Variants in PPP2R2B observed in about 807,000 individuals in gnomAD.
PPP2R2B encodes the protein serine/threonine-protein phosphatase 2A 55 kDa regulatory subunit B beta isoform.
In PPP2R2B, 5 loss-of-function variants were observed where a neutral mutation model predicts 46.0. That is an observed-to-expected ratio of 0.11 (90% CI 0.06 to 0.23). The LOEUF is 0.23. Among genes scored for constraint, PPP2R2B ranks in the 10% least tolerant of loss-of-function variants. The pLI is 1.00. For synonymous variants in PPP2R2B, 215 were observed against 206.7 expected (o/e 1.04, Z -0.34); for missense variants, 367 against 575.0 (o/e 0.64, Z 3.70).
intron 2 of PPP2R2B, among the ~76,000 whole-genome samples, chr5:146,801,660 T>C (rs879885897): frequency 3.3e-5 from 5 of 152,128 alleles, no homozygotes; most frequent in Non-Finnish European, 7.4e-5. Context: ...GCACTTATGT[T>C]AAAAGACTGA....
intron 2 of PPP2R2B, among the ~76,000 whole-genome samples, chr5:146,843,481 T>C (rs1759793848): frequency 1.3e-5 from 2 of 152,232 alleles, no homozygotes; most frequent in African/African-American, 4.8e-5. Context: ...TAGATCTTAT[T>C]TTATACATTG....
At chr5:147,042,474 A>G (rs956350831) in intron 1 of PPP2R2B, among the ~76,000 whole-genome samples, 2 of 152,146 alleles carry the variant, frequency 1.3e-5, no homozygotes, top group African/African-American at 4.8e-5. Flanking sequence ...TCTTCATTTT[A>G]AGCCAAATAC....
At chr5:147,064,717 C>T (rs1412882023) in intron 2 of PPP2R2B, among the ~76,000 whole-genome samples, 4 of 152,156 alleles carry the variant, frequency 2.6e-5, no homozygotes, top group African/African-American at 9.7e-5. Flanking sequence ...GTTTTGAAAA[C>T]TTAACTATAT....
intron 1 of PPP2R2B, among the ~76,000 whole-genome samples, chr5:147,042,371 G>A (rs955624113): frequency 1.3e-5 from 2 of 152,122 alleles, no homozygotes; most frequent in African/African-American, 2.4e-5. Flanking sequence ...TCTATAACTC[G>A]CTCAGGTACA....
intron 4 of PPP2R2B, among the ~76,000 whole-genome samples, chr5:146,693,960 C>T (rs992563568): frequency 5.3e-5 from 8 of 152,188 alleles, no homozygotes; most frequent in Non-Finnish European, 1.2e-4. Flanking sequence ...TCCTCTTTTG[C>T]CCCTTGCTCC....
intron 2 of PPP2R2B, among the ~76,000 whole-genome samples, chr5:146,720,858 T>C (rs1780755871): frequency 6.6e-6 from 1 of 152,224 alleles, no homozygotes; most frequent in Admixed American, 6.5e-5. Flanking sequence ...TTTATCTGAC[T>C]ATAGAATGCT....
chr5:146,744,113 A>T (rs139971139), intron 2 of PPP2R2B, among the ~76,000 whole-genome samples: 22 of 152,378 alleles, frequency 1.4e-4, no homozygotes, highest in African/African-American at 5.1e-4. Context: ...TTTAAAGTAC[A>T]TAGATGCTTG....
intron 7 of PPP2R2B, among the ~76,000 whole-genome samples, chr5:146,625,316 C>T (rs1773975514): frequency 6.6e-6 from 1 of 151,764 alleles, no homozygotes; most frequent in South Asian, 2.1e-4. Context: ...TTTTATTATA[C>T]TGTGTGTGTG....
chr5:146,877,961 C>G, intron 2 of PPP2R2B, 41 bp downstream of exon 2: 4 of 1,594,246 alleles, frequency 2.5e-6, no homozygotes, highest in South Asian at 2.3e-5. Flanking sequence ...CCGCAACTTG[C>G]GCCCGGCCCC....
intron 4 of PPP2R2B, among the ~76,000 whole-genome samples, chr5:146,697,531 A>G (rs1779248677): frequency 6.6e-6 from 1 of 152,212 alleles, no homozygotes; most frequent in South Asian, 2.1e-4. Context: ...CTATCATAGA[A>G]GTTAATTTTT....
rs1230780878 is a variant in PPP2R2B at position 146,582,626 on chromosome 5, C to T, written c.*7321G>A. On this transcript the variant is annotated 3_prime_UTR_variant, in exon 10 of 10. Transcript: ENST00000394411. ...AATGGCATGCCGCTCATCTTATAAG[C>T]TTCCTGTGGGCAAGTGCTGTGCCTG... 6.6e-6 allele frequency: 1 copy of T among 152,246 alleles called. No homozygotes were observed. The highest frequency in any genetic ancestry group is 6.5e-5 in the Admixed American group (1 of 15,280). 9.4% of individuals were successfully genotyped at this position (152,246 alleles called of 1,614,324 possible).
At position 146,975,592 on chromosome 5, in the gene PPP2R2B, A is replaced by G. The variant is rs144145187; in HGVS notation, c.79+80073T>C. ...TTGAGAAACTGTCATGCTGTTTTCC[A>G]TAGTGGTTTCACCACTACAGTGCAG... On this transcript the variant is annotated intron_variant, in intron 1 of 8. Coordinates refer to the PPP2R2B transcript ENST00000336640. Among the ~76,000 whole-genome samples the G allele has an allele frequency of 7.4e-3, 1,124 of 152,356 alleles. 12 individuals carry two copies. Among genetic ancestry groups the G allele is most frequent in the African/African-American group, 0.026 (1,075 of 41,590 alleles).
intron 1 of PPP2R2B, among the ~76,000 whole-genome samples, chr5:147,054,920 T>C (rs1014629845): frequency 1.3e-5 from 2 of 152,220 alleles, no homozygotes; most frequent in African/African-American, 4.8e-5. Context: ...AGCTTCTGAC[T>C]ATAGAAATGT....
At chr5:146,707,549 C>T (rs1000082771) in intron 2 of PPP2R2B, 22 of 720,678 alleles carry the variant, frequency 3.1e-5, no homozygotes, top group African/African-American at 5.2e-5. Flanking sequence ...GCAGAAGGCC[C>T]GGGTGCCAGA....
intron 2 of PPP2R2B, among the ~76,000 whole-genome samples, chr5:146,790,184 G>A (rs1232473433): frequency 2.6e-5 from 4 of 152,154 alleles, no homozygotes; most frequent in African/African-American, 9.7e-5. Flanking sequence ...AGGGCACAGT[G>A]GGTCACTGGT....
chr5:146,609,976 G>C (rs1178022163), intron 7 of PPP2R2B, among the ~76,000 whole-genome samples: 6 of 142,720 alleles, frequency 4.2e-5, no homozygotes, highest in Admixed American at 2.8e-4. Context: ...CGGGAAGCTC[G>C]AACTGGGTGG....
In PPP2R2B at chr5:147,029,119, CT is replaced by C. The variant is rs921290767; in HGVS notation, c.79+26545del. 5.9e-5 allele frequency among the ~76,000 whole-genome samples: 9 copies of C among 152,128 alleles called. 1 individual carries two copies. The highest frequency in any genetic ancestry group is 3.4e-3 in the Middle Eastern group (1 of 292). On this transcript the variant is annotated intron_variant, in intron 1 of 8. Transcript: ENST00000336640. ...TCTTGCCTTTTTAGTCTTTTAACTCCTTTTTTTGATGAATAGAAAAATTTAA... is the reference window on the plus strand; with the variant it reads ...TCTTGCCTTTTTAGTCTTTTAACTCCTTTTTTGATGAATAGAAAAATTTAA...
At chr5:146,816,205 A>G (rs930269649) in intron 2 of PPP2R2B, among the ~76,000 whole-genome samples, 1 of 152,060 alleles carries the variant, frequency 6.6e-6, no homozygotes, top group Non-Finnish European at 1.5e-5. Flanking sequence ...GGAGTTTGAG[A>G]CCAGCCTGGG....
At chr5:146,798,809 C>T (rs1291385687) in intron 2 of PPP2R2B, among the ~76,000 whole-genome samples, 1 of 152,140 alleles carries the variant, frequency 6.6e-6, no homozygotes, top group African/African-American at 2.4e-5. Context: ...AATTAACTTT[C>T]TCCAGGGTAT....
Sources: allele counts gnomAD v4.1 joint callset (sites outside exome capture counted in the v4.1 genomes callset), GRCh38; gene constraint gnomAD v4.1.1; transcripts MANE v1.5; gene names NCBI Gene and HGNC (gene_info 2026-07-23, HGNC 2026-07-21).